REDIC1: variants seen among roughly 807,000 people sequenced by gnomAD.
REDIC1 encodes the protein HEI10 Interacting Protein 1.
chr12:39,901,527 C>T, the REDIC1 span, among the ~76,000 whole-genome samples: 1 of 133,696 alleles, frequency 7.5e-6, no homozygotes, highest in African/African-American at 2.8e-5. Flanking sequence ...AAAAAGTGGG[C>T]AAAGGACATG....
the REDIC1 span, among the ~76,000 whole-genome samples, chr12:39,726,193 G>A: frequency 4.5e-4 from 68 of 150,752 alleles, no homozygotes; most frequent in East Asian, 0.011. Context: ...TTCAAGTTCC[G>A]GACACAGGTG....
the REDIC1 span, among the ~76,000 whole-genome samples, chr12:39,804,655 C>T: frequency 6.6e-6 from 1 of 152,142 alleles, no homozygotes; most frequent in African/African-American, 2.4e-5. Context: ...GGCTCCCACA[C>T]ACTGTTCTAG....
At chr12:39,882,976 T>C in the REDIC1 span, among the ~76,000 whole-genome samples, 24 of 152,316 alleles carry the variant, frequency 1.6e-4, no homozygotes, top group Admixed American at 5.2e-4. Context: ...AGCAGGTTTA[T>C]GAATATTTTT....
At chr12:39,753,938 G>A in the REDIC1 span, among the ~76,000 whole-genome samples, 1 of 152,280 alleles carries the variant, frequency 6.6e-6, no homozygotes, top group African/African-American at 2.4e-5. Context: ...TTTGAATTCA[G>A]TCTGACCTCT....
chr12:39,665,574 A>T, the REDIC1 span, among the ~76,000 whole-genome samples: 1 of 150,142 alleles, frequency 6.7e-6, no homozygotes, highest in Non-Finnish European at 1.5e-5. Flanking sequence ...TTGGTTCCAT[A>T]TGAACTTTAA....
the REDIC1 span, among the ~76,000 whole-genome samples, chr12:39,740,836 A>T: frequency 6.6e-6 from 1 of 152,192 alleles, no homozygotes; most frequent in African/African-American, 2.4e-5. Flanking sequence ...CTGTTTCATG[A>T]TTATTTTTGT....
the REDIC1 span, among the ~76,000 whole-genome samples, chr12:39,867,796 G>A: frequency 6.6e-6 from 1 of 152,094 alleles, no homozygotes; most frequent in Admixed American, 6.5e-5. Flanking sequence ...CAAATGCCTG[G>A]ATGTACCCCA....
At chr12:39,634,303 G>A in the REDIC1 span, among the ~76,000 whole-genome samples, 1 of 152,138 alleles carries the variant, frequency 6.6e-6, no homozygotes, top group East Asian at 1.9e-4. Flanking sequence ...CTTTGCTGAA[G>A]TTGCTTATCA....
chr12:39,706,752 G>A, the REDIC1 span, among the ~76,000 whole-genome samples: 5 of 152,152 alleles, frequency 3.3e-5, no homozygotes, highest in South Asian at 1.0e-3. Flanking sequence ...AACATGCACT[G>A]GGAAAAGACA....
the REDIC1 span, among the ~76,000 whole-genome samples, chr12:39,635,166 G>T: frequency 6.6e-6 from 1 of 152,182 alleles, no homozygotes. Context: ...AGGATGTGGA[G>T]AAATAGGAAC....
At chr12:39,713,530 A>G in the REDIC1 span, among the ~76,000 whole-genome samples, 5 of 149,678 alleles carry the variant, frequency 3.3e-5, no homozygotes, top group Non-Finnish European at 7.5e-5. Flanking sequence ...ATACATGTGT[A>G]CACGTACATA....
chr12:39,728,479 C>T, the REDIC1 span, among the ~76,000 whole-genome samples: 1 of 152,148 alleles, frequency 6.6e-6, no homozygotes, highest in Non-Finnish European at 1.5e-5. Flanking sequence ...ACCAGCCTTG[C>T]ATCTCAGGGA....
chr12:39,829,866 A>G, the REDIC1 span: 1 of 522,696 alleles, frequency 1.9e-6, no homozygotes, highest in Non-Finnish European at 3.4e-6. Context: ...CCAAACTCCT[A>G]TACCTTATTA....
the REDIC1 span, among the ~76,000 whole-genome samples, chr12:39,896,078 G>C: frequency 1.8e-4 from 1 of 5,452 alleles, no homozygotes; most frequent in South Asian, 0.012. Flanking sequence ...ATGTATACAC[G>C]TGTACATATA....
At chr12:39,626,406 A>G in the REDIC1 span, 1 of 1,612,184 alleles carries the variant, frequency 6.2e-7, no homozygotes, top group Non-Finnish European at 8.5e-7. Context: ...CATTCCTACG[A>G]CTCCTCTTTC....
At chr12:39,671,440 C>A in the REDIC1 span, among the ~76,000 whole-genome samples, 3 of 152,040 alleles carry the variant, frequency 2.0e-5, no homozygotes, top group Non-Finnish European at 2.9e-5. Context: ...TGTGCCTGTT[C>A]TTGGATTTCT....
At chr12:39,628,966 G>A in the REDIC1 span, among the ~76,000 whole-genome samples, 3 of 152,158 alleles carry the variant, frequency 2.0e-5, no homozygotes, top group African/African-American at 4.8e-5. Context: ...TGAGTTGAGT[G>A]TGCTTGCCCT....
chr12:39,867,921 T>G, the REDIC1 span, among the ~76,000 whole-genome samples: 1 of 152,180 alleles, frequency 6.6e-6, no homozygotes, highest in Non-Finnish European at 1.5e-5. Context: ...GATAAGCTCC[T>G]TACAAGAAGG....
chr12:39,812,648 T>C, the REDIC1 span, among the ~76,000 whole-genome samples: 20 of 151,748 alleles, frequency 1.3e-4, 1 homozygote, highest in East Asian at 2.1e-3. Context: ...GATTTGTATA[T>C]TTTTAGTAGA....
Sources: gnomAD v4.1 joint callset for allele counts (sites outside exome capture counted in the v4.1 genomes callset) on GRCh38, gnomAD v4.1.1 for gene constraint, MANE v1.5 for transcripts, NCBI Gene and HGNC (gene_info 2026-07-23, HGNC 2026-07-21) for gene names.